The following GSTA4 variants were observed in gnomAD, a reference collection of about 807,000 sequenced individuals.
GSTA4 encodes glutathione S-transferase alpha 4.
In GSTA4, 15 loss-of-function variants were observed where a neutral mutation model predicts 24.4. The observed-to-expected ratio is 0.61, with a 90% CI of 0.41 to 0.95. The LOEUF (loss-of-function observed/expected upper bound fraction) is 0.95, where lower values mean the gene tolerates loss of function less well. GSTA4 is among the 40% of genes least tolerant of loss of function. The pLI, the probability that GSTA4 is intolerant of heterozygous loss-of-function variation, is 0.00. For synonymous variants in GSTA4, 92 were observed against 94.2 expected, an observed-to-expected ratio of 0.98 and a Z score of 0.13; for missense variants, 244 against 262.1, an observed-to-expected ratio of 0.93 and a Z score of 0.48.
Position 52,982,596 on chromosome 6 carries a change from A to G in GSTA4, c.524T>C (p.Leu175Pro), listed in dbSNP as rs1161004579. 1.7e-5 allele frequency: 27 copies of G among 1,610,110 alleles called. No homozygotes were observed. The highest frequency in any genetic ancestry group is 2.3e-5 in the Non-Finnish European group (27 of 1,176,994). Residue 175 changes from leucine (L) to proline (P), a missense_variant, in exon 6 of 7, where the codon CTG (leucine) becomes CCG (proline). By Grantham distance (98) the Leu-to-Pro change is moderately conservative (BLOSUM62 -3). Transcript: ENST00000370963. ...TACCTGGAGGAAAGGAAATGCAGAC[A>G]GGATATTAGGAATTTTCTCTTCTAG... ...LALEEKIPNI[L>P]SAFPFLQEYT...
chr6:52,986,815 G>A (rs1467189013), intron 3 of GSTA4, among the ~76,000 whole-genome samples: 1 of 152,196 alleles, frequency 6.6e-6, no homozygotes, highest in Non-Finnish European at 1.5e-5. Flanking sequence ...AGGGTTGATG[G>A]GCGCATTCTT....
intron 2 of GSTA4, among the ~76,000 whole-genome samples, chr6:52,988,457 A>G (rs1401458026): frequency 4.6e-5 from 7 of 152,214 alleles, no homozygotes; most frequent in East Asian, 1.9e-4. Flanking sequence ...ACACTCTGAC[A>G]TCCTGAGGCT....
Position 52,978,536 on chromosome 6 carries a change from G to A in GSTA4, c.603C>T (p.Gly201=), listed in dbSNP as rs1397547065. 2 of 1,611,524 alleles carry A rather than the reference G, an allele frequency of 1.2e-6. No individual in the cohort carries two copies. Among genetic ancestry groups the A allele is most frequent in the Admixed American group, 3.3e-5 (2 of 59,908 alleles). ...CATCAGGGGGAGGCTTCTTCTTGCT[G>A]CCAGGTTCAAGGAATCTCTTAATTG... The part of the protein sequence containing the change: ...IPTIKRFLEP[G]SKKKPPPDEI... The change falls in exon 7 of 7, where the codon GGC becomes GGT. Residue 201 remains glycine, a synonymous_variant. Coordinates refer to ENST00000370963, the MANE Select transcript of GSTA4 (RefSeq NM_001512.4).
intron 5 of GSTA4, among the ~76,000 whole-genome samples, chr6:52,983,792 A>C (rs1005271341): frequency 2.0e-5 from 3 of 152,270 alleles, no homozygotes; most frequent in South Asian, 2.1e-4. Context: ...AGATACCATA[A>C]AACCTAGCTA....
At chr6:52,993,801 GC>G (rs1763709549) in intron 2 of GSTA4, among the ~76,000 whole-genome samples, 1 of 152,192 alleles carries the variant, frequency 6.6e-6, no homozygotes, top group Non-Finnish European at 1.5e-5. Context: ...TACCAAGGCT[GC>G]CAGTTTGAAG....
At chr6:52,987,663 A>G in intron 2 of GSTA4, 6 of 382,432 alleles carry the variant, frequency 1.6e-5, no homozygotes. Flanking sequence ...ATGGGATGTG[A>G]AAAGAGGTTG....
At position 52,985,514 on chromosome 6, in the gene GSTA4, C is replaced by T. The variant is rs779093471; in HGVS notation, c.209G>A (p.Ser70Asn). The T allele has an allele frequency of 1.9e-6, 3 of 1,614,044 alleles. No homozygotes were observed. The highest frequency in any genetic ancestry group is 2.5e-6 in the Non-Finnish European group (3 of 1,179,878). ...IDGMKLVQTR[S>N]ILHYIADKHN... ...CTTGTCTGCTATGTAGTGGAGAATG[C>T]TTCGGGTCTGTACCAACTTCATCCC... Residue 70 changes from serine to asparagine, a missense_variant, in exon 4 of 7, where the codon AGC becomes AAC. Physicochemically the swap from Ser to Asn is conservative, Grantham distance 46. Transcript: ENST00000370963.
chr6:52,989,068 C>T (rs566945928), intron 2 of GSTA4, among the ~76,000 whole-genome samples: 3 of 152,222 alleles, frequency 2.0e-5, no homozygotes, highest in African/African-American at 4.8e-5. Flanking sequence ...AGCTAAATCC[C>T]ACCAAAACCA....
intron 2 of GSTA4, among the ~76,000 whole-genome samples, chr6:52,989,156 T>C (rs1478981273): frequency 6.6e-6 from 1 of 152,184 alleles, no homozygotes; most frequent in African/African-American, 2.4e-5. Context: ...ACAAAGGCTA[T>C]GGCAATGTCA....
chr6:52,991,894 C>A (rs534356013), intron 2 of GSTA4, among the ~76,000 whole-genome samples: 26 of 151,624 alleles, frequency 1.7e-4, no homozygotes, highest in African/African-American at 5.8e-4. Context: ...GTAGCTGGGA[C>A]GACAGGCACA....
rs1763539398 is a variant in GSTA4 at position 52,985,680 on chromosome 6, T to C, written c.140-97A>G. The C allele has an allele frequency of 1.3e-5, 16 of 1,232,864 alleles. 1 individual carries two copies. In the South Asian group the frequency reaches 1.9e-4, roughly 15 times the overall value. The allele number at this position is 1,232,864 out of a possible 1,614,324, so 76.4% of individuals were successfully genotyped here. A position where few individuals can be genotyped will look rare whatever the true frequency, so the allele number is the denominator to read the frequency against. On this transcript the variant is annotated intron_variant, in intron 3 of 6. Coordinates refer to ENST00000370963, the MANE Select transcript of GSTA4 (RefSeq NM_001512.4). ...GGAATGAAAAGAAACGGTGGAATCA[T>C]GGCCTTAGGAAATAGTGTAAAGCTT... is the stretch of plus-strand genomic sequence containing the variant.
intron 2 of GSTA4, among the ~76,000 whole-genome samples, chr6:52,988,371 G>A (rs950300083): frequency 2.3e-4 from 35 of 151,790 alleles, no homozygotes; most frequent in Non-Finnish European, 1.3e-4. Flanking sequence ...GGAAAGTGTC[G>A]ATTTATAATG....
intron 3 of GSTA4, among the ~76,000 whole-genome samples, chr6:52,986,088 TTC>T (rs1763551100): frequency 6.6e-6 from 1 of 152,024 alleles, no homozygotes; most frequent in African/African-American, 2.4e-5. Context: ...GTTATAAACG[TTC>T]CCTTTTCATT....
At chr6:52,991,368 G>A (rs1317651400) in intron 2 of GSTA4, among the ~76,000 whole-genome samples, 1 of 152,190 alleles carries the variant, frequency 6.6e-6, no homozygotes, top group African/African-American at 2.4e-5. Flanking sequence ...ATAATGTGTG[G>A]ATTGGGGTTG....
At position 52,984,587 on chromosome 6, in the gene GSTA4, C is replaced by A. The variant is rs1763518113; in HGVS notation, c.291G>T (p.Glu97Asp). The A allele has an allele frequency of 6.2e-7, 1 of 1,613,494 alleles. No individual in the cohort carries two copies. The highest frequency in any genetic ancestry group is 8.5e-7 in the Non-Finnish European group (1 of 1,179,674). The change falls in exon 5 of 7, where the codon GAG becomes GAT. Residue 97 changes from glutamate (E) to aspartate (D), a missense_variant. Coordinates refer to ENST00000370963, the MANE Select transcript of GSTA4 (RefSeq NM_001512.4). ...KERTLIDMYV[E>D]GTLDLLELLI... ...GCAGTTCCAGCAGATCCAGTGTCCC[C>A]TCCACGTACATGTCAATCCTTAAAA... is the stretch of plus-strand genomic sequence containing the variant.
intron 6 of GSTA4, among the ~76,000 whole-genome samples, chr6:52,980,878 T>C (rs1763439027): frequency 6.6e-6 from 1 of 151,992 alleles, no homozygotes; most frequent in South Asian, 2.1e-4. Context: ...GTTATTGGGG[T>C]GGGGTTGACG....
chr6:52,984,592 C>T lies in GSTA4; in HGVS notation c.286G>A (p.Val96Met), dbSNP rs200339437. The change falls in exon 5 of 7, where the codon GTG (valine) becomes ATG (methionine). Residue 96 changes from valine (V) to methionine (M), a missense_variant. Physicochemically the swap from Val to Met is conservative, Grantham distance 21. Transcript: ENST00000370963. ...LKERTLIDMYVEGTLDLLELL... is the reference protein window; with the variant it reads ...LKERTLIDMYMEGTLDLLELL... ...TCCAGCAGATCCAGTGTCCCCTCCA[C>T]GTACATGTCAATCCTTAAAACAAAA... The T allele has an allele frequency of 2.6e-5, 42 of 1,613,084 alleles. No individual in the cohort carries two copies. Among genetic ancestry groups the T allele is most frequent in the South Asian group, 2.4e-4 (22 of 90,976 alleles).
chr6:52,983,027 T>A (rs1167700094), intron 5 of GSTA4, among the ~76,000 whole-genome samples: 5 of 152,148 alleles, frequency 3.3e-5, no homozygotes, highest in Non-Finnish European at 7.3e-5. Context: ...GGATTTAGCA[T>A]CTGGTGTTTT....
intron 3 of GSTA4, 138 bp from the exon 4 acceptor site, chr6:52,985,721 C>T: frequency 1.1e-6 from 1 of 899,274 alleles, no homozygotes; most frequent in South Asian, 1.6e-5. Flanking sequence ...TGACAGATAA[C>T]CTTAACTTCA....
Sources: gnomAD v4.1 joint callset for allele counts (sites outside exome capture counted in the v4.1 genomes callset) on GRCh38, gnomAD v4.1.1 for gene constraint, MANE v1.5 for transcripts, NCBI Gene and HGNC (gene_info 2026-07-23, HGNC 2026-07-21) for gene names.